SNX15: variants seen among roughly 807,000 people sequenced by gnomAD.
SNX15 encodes sorting nexin-15.
A neutral mutation model predicts 35.2 loss-of-function variants in SNX15; 29 were observed. The observed-to-expected ratio is 0.82, with a 90% CI of 0.61 to 1.12. The LOEUF (loss-of-function observed/expected upper bound fraction) is 1.12. Ranked by LOEUF, SNX15 falls within the 50% of genes most tolerant of loss-of-function variation. SNX15 has a pLI of 0.00. For missense variants in SNX15, 400 were observed against 451.5 expected, an observed-to-expected ratio of 0.89 and a Z score of 1.03; for synonymous variants, 189 against 188.2, an observed-to-expected ratio of 1.00 and a Z score of -0.03.
chr11:65,039,312 C>T (rs952025291), intron 7 of SNX15, among the ~76,000 whole-genome samples: 1 of 152,034 alleles, frequency 6.6e-6, no homozygotes, highest in African/African-American at 2.4e-5. Flanking sequence ...CAACCTCCAC[C>T]TCCCAGGTTC....
chr11:65,029,121 A>G (rs1242597008), intron 1 of SNX15, among the ~76,000 whole-genome samples: 1 of 151,824 alleles, frequency 6.6e-6, no homozygotes, highest in African/African-American at 2.4e-5. Flanking sequence ...AAATAAATAA[A>G]TAAATAAAAA....
At chr11:65,029,581 T>C (rs891150430) in intron 1 of SNX15, among the ~76,000 whole-genome samples, 1 of 150,378 alleles carries the variant, frequency 6.6e-6, no homozygotes, top group Admixed American at 6.6e-5. Context: ...AATATATGTA[T>C]GTATATATTT....
chr11:65,038,876 G>A (rs1300715812), intron 7 of SNX15, 47 bp downstream of exon 7: 2 of 1,468,948 alleles, frequency 1.4e-6, no homozygotes, highest in Admixed American at 2.6e-5. Flanking sequence ...TCCCAGGTGG[G>A]GCAGTGATGA....
At position 65,034,949 on chromosome 11, in the gene SNX15, A is replaced by T; in HGVS notation, c.359A>T (p.Lys120Met). ...GCGCTCAACAACAGCCCCCAGCTCA[A>T]GGAGTTCTTCCGGGTATGTGCACCT... The part of the protein sequence containing the change: ...IPALNNSPQL[K>M]EFFRGGEVTR... Residue 120 changes from lysine (K) to methionine (M), a missense_variant, in exon 4 of 8, where the codon AAG becomes ATG. By Grantham distance (95) the Lys-to-Met change is moderately conservative (BLOSUM62 -1). Coordinates refer to ENST00000377244, the MANE Select transcript of SNX15 (RefSeq NM_013306.5). The T allele has an allele frequency of 1.9e-6, 3 of 1,614,024 alleles. No homozygotes were observed. In the African/African-American group the frequency reaches 4.0e-5, roughly 22 times the overall value.
At chr11:65,039,439 G>T (rs1418134361) in intron 7 of SNX15, among the ~76,000 whole-genome samples, 1 of 151,796 alleles carries the variant, frequency 6.6e-6, no homozygotes, top group Non-Finnish European at 1.5e-5. Flanking sequence ...GGTCAGGCTG[G>T]TCTCGAACCC....
intron 3 of SNX15, among the ~76,000 whole-genome samples, chr11:65,032,837 GA>G (rs1185833316): frequency 6.6e-6 from 1 of 151,052 alleles, no homozygotes; most frequent in Non-Finnish European, 1.5e-5. Flanking sequence ...CATCTCAAAG[GA>G]AAAAAAATCC....
chr11:65,031,846 G>A (rs547524562), intron 1 of SNX15, among the ~76,000 whole-genome samples: 197 of 152,192 alleles, frequency 1.3e-3, no homozygotes, highest in Non-Finnish European at 2.5e-3. Flanking sequence ...GCAGTGAGCC[G>A]AGAGTGTACC....
At position 65,035,080 on chromosome 11, in the gene SNX15, T is replaced by C; in HGVS notation, c.394T>C (p.Leu132=). The change falls in exon 5 of 8, where the codon TTG becomes CTG. Residue 132 remains leucine, a synonymous_variant. Transcript: ENST00000377244. The part of the protein sequence containing the change: ...FFRGGEVTRP[L]EVSRDLHILP... ...GCAGGGTGGGGAGGTGACCCGACCC[T>C]TGGAGGTGTCCAGGGACCTACACAT... The C allele has an allele frequency of 6.2e-7, 1 of 1,613,338 alleles. No homozygotes were observed. Among genetic ancestry groups the C allele is most frequent in the Non-Finnish European group, 8.5e-7 (1 of 1,179,788 alleles).
At chr11:65,031,054 A>T (rs1242252774) in intron 1 of SNX15, among the ~76,000 whole-genome samples, 1 of 149,736 alleles carries the variant, frequency 6.7e-6, no homozygotes, top group East Asian at 2.0e-4. Context: ...ACAGGGTCTC[A>T]CTCTCTCCAG....
chr11:65,028,909 T>C (rs2136924420), intron 1 of SNX15, among the ~76,000 whole-genome samples: 1 of 151,768 alleles, frequency 6.6e-6, no homozygotes, highest in Non-Finnish European at 1.5e-5. Context: ...CTGGCTACCA[T>C]GGTGAAACCC....
At chr11:65,027,825 G>A (rs757928187) in intron 1 of SNX15, among the ~76,000 whole-genome samples, 189 bp downstream of exon 1, 3 of 152,184 alleles carry the variant, frequency 2.0e-5, no homozygotes, top group Non-Finnish European at 2.9e-5. Context: ...CTGGGTGGGC[G>A]CTGTCTTTTT....
In SNX15 at chr11:65,035,524, C is replaced by T. The variant is rs775247518; in HGVS notation, c.525C>T (p.Asp175=). ...RGLEELEVPV[D]PPPSSPAQEA... is the part of the protein sequence containing the mutation. Reference sequence around the variant, plus strand: ...CCCCACTTATCTCTTCCTCAGTGGACCCCCCACCATCCAGCCCTGCCCAGG... The same window carrying T: ...CCCCACTTATCTCTTCCTCAGTGGATCCCCCACCATCCAGCCCTGCCCAGG... The change falls in exon 6 of 8, where the codon GAC becomes GAT. Residue 175 remains aspartate (D), a synonymous_variant. Transcript: ENST00000377244. 11 of 1,586,656 alleles carry T rather than the reference C, an allele frequency of 6.9e-6. No homozygotes were observed. The highest frequency in any genetic ancestry group is 5.7e-5 in the Admixed American group (3 of 52,514).
At position 65,039,814 on chromosome 11, in the gene SNX15, G is replaced by A. The variant is rs1448533162; in HGVS notation, c.*22G>A. On this transcript the variant is annotated 3_prime_UTR_variant, in exon 8 of 8. Transcript: ENST00000377244. ...CTAACAGGGAGTGGGCCATTCCCTG[G>A]GACTCTCGCTCCTGCACTGCCAGCC... 1 of 1,521,378 alleles carries A rather than the reference G, an allele frequency of 6.6e-7. No individual in the cohort carries two copies. The highest frequency in any genetic ancestry group is 9.1e-7 in the Non-Finnish European group (1 of 1,102,548). The allele number at this position is 1,521,378 out of a possible 1,614,324, so 94.2% of individuals were successfully genotyped here. A position where few individuals can be genotyped will look rare whatever the true frequency, so the allele number is the denominator to read the frequency against.
At chr11:65,038,186 A>T in intron 6 of SNX15, 2 of 801,636 alleles carry the variant, frequency 2.5e-6, no homozygotes, top group Non-Finnish European at 3.0e-6. Context: ...AGATTATTCC[A>T]AGTCTTGGAG....
At chr11:65,032,574 C>G (rs376109329) in intron 3 of SNX15, 23 bp downstream of exon 3, 5 of 1,613,722 alleles carry the variant, frequency 3.1e-6, no homozygotes, top group South Asian at 2.2e-5. Flanking sequence ...TTGGGGCACT[C>G]GGGCCAAAGA....
At position 65,034,842 on chromosome 11, in the gene SNX15, C is replaced by T. The variant is rs765499956; in HGVS notation, c.257-5C>T. On this transcript the variant is annotated splice_polypyrimidine_tract_variant and splice_region_variant and intron_variant, in intron 3 of 7. Transcript: ENST00000377244. Reference sequence around the variant, plus strand: ...CTCCCCTGTTCCTTGTCCTGGGGGCCGTAGGCCGGTTTGAAGCCTCAGTGA... The same window carrying T: ...CTCCCCTGTTCCTTGTCCTGGGGGCTGTAGGCCGGTTTGAAGCCTCAGTGA... 11 of 1,612,094 alleles carry T rather than the reference C, an allele frequency of 6.8e-6. No individual in the cohort carries two copies. Among genetic ancestry groups the T allele is most frequent in the East Asian group, 4.5e-5 (2 of 44,898 alleles).
chr11:65,032,227 G>A, intron 2 of SNX15, 24 bp downstream of exon 2: 1 of 1,612,104 alleles, frequency 6.2e-7, no homozygotes, highest in South Asian at 1.1e-5. Context: ...GAGGAAGAGG[G>A]ACTGTTCTGC....
intron 3 of SNX15, among the ~76,000 whole-genome samples, chr11:65,033,543 C>CAAAAA (rs35724941): frequency 3.5e-5 from 3 of 86,474 alleles, no homozygotes; most frequent in Non-Finnish European, 6.9e-5. Flanking sequence ...GACTCCGTCT[C>CAAAAA]AAAAAAAAAA....
At chr11:65,028,055 C>CA (rs941668155) in intron 1 of SNX15, among the ~76,000 whole-genome samples, 3 of 151,912 alleles carry the variant, frequency 2.0e-5, no homozygotes, top group African/African-American at 7.3e-5. Context: ...TTTAATTTTT[C>CA]AAAAAATAAT....
Sources: allele counts gnomAD v4.1 joint callset (sites outside exome capture counted in the v4.1 genomes callset), GRCh38; gene constraint gnomAD v4.1.1; transcripts MANE v1.5; gene names NCBI Gene and HGNC (gene_info 2026-07-23, HGNC 2026-07-21).